The following ISLR2 variants were observed in gnomAD, a reference collection of about 807,000 sequenced individuals.
The protein encoded by ISLR2 is immunoglobulin superfamily containing leucine-rich repeat protein 2.
A neutral mutation model predicts 25.5 loss-of-function variants in ISLR2; 16 were observed. The ratio of observed to expected loss-of-function variants is 0.63; its 90% CI spans 0.43 to 0.95. The LOEUF is 0.95. ISLR2 is among the 40% of genes least tolerant of loss of function. ISLR2 has a pLI of 0.00. For synonymous variants in ISLR2, 508 were observed against 486.6 expected (o/e 1.04, Z -0.58); for missense variants, 883 against 1,030.7 (o/e 0.86, Z 1.96).
In ISLR2 at chr15:74,117,946, C is replaced by T. The variant is rs144160912; in HGVS notation, n.229-13261C>T. Among the ~76,000 whole-genome samples the T allele has an allele frequency of 1.4e-3, 209 of 152,316 alleles. 2 individuals are homozygous for T. Among genetic ancestry groups the T allele is most frequent in the East Asian group, 7.9e-3 (41 of 5,170 alleles). ...GTCTCATGGCAGCATCTCCTCTTATCGATCCCGGCCTACCAAGGATAGTGC... is the reference window on the plus strand; with the variant it reads ...GTCTCATGGCAGCATCTCCTCTTATTGATCCCGGCCTACCAAGGATAGTGC... On this transcript the variant is annotated intron_variant and non_coding_transcript_variant, in intron 2 of 3. Transcript: ENST00000561975.
At chr15:74,114,476 G>C (rs1448026223) in intron 2 of ISLR2, among the ~76,000 whole-genome samples, 1 of 152,096 alleles carries the variant, frequency 6.6e-6, no homozygotes, top group African/African-American at 2.4e-5. Context: ...TACAATTTTA[G>C]GCCGGGTGCA....
chr15:74,111,917 T>A (rs921188271), intron 2 of ISLR2, among the ~76,000 whole-genome samples: 1 of 151,896 alleles, frequency 6.6e-6, no homozygotes, highest in Non-Finnish European at 1.5e-5. Flanking sequence ...GTTAAAGGAG[T>A]CTACATACGT....
intron 2 of ISLR2, among the ~76,000 whole-genome samples, chr15:74,114,732 A>G (rs968226459): frequency 2.0e-5 from 3 of 152,218 alleles, no homozygotes; most frequent in Non-Finnish European, 1.5e-5. Flanking sequence ...GGAACAACAT[A>G]TATAAAACAA....
At position 74,132,646 on chromosome 15, in the gene ISLR2, A is replaced by G. The variant is rs116856254; in HGVS notation, c.-8-101A>G. ...TAGAGGAGGTTACCGGAGCCCTGGAACTAGTGCTAAACGGGCTTGCGGAGG... is the reference window on the plus strand; with the variant it reads ...TAGAGGAGGTTACCGGAGCCCTGGAGCTAGTGCTAAACGGGCTTGCGGAGG... On this transcript the variant is annotated intron_variant, in intron 2 of 2. Coordinates refer to ENST00000453268, the MANE Select transcript of ISLR2 (RefSeq NM_020851.3). This position sits in a 1 kb window ranked among gnomAD's most constrained non-coding sequence, Gnocchi z 4.3. The G allele has an allele frequency of 6.4e-5, 92 of 1,447,840 alleles. 1 individual carries two copies. The East Asian group carries it at 2.2e-3, about 35-fold the overall frequency. The allele number at this position is 1,447,840 out of a possible 1,614,324, so 89.7% of individuals were successfully genotyped here. A position where few individuals can be genotyped will look rare whatever the true frequency, so the allele number is the denominator to read the frequency against.
Position 74,133,774 on chromosome 15 carries a change from G to C in ISLR2, c.1020G>C (p.Leu340=). The C allele has an allele frequency of 6.2e-7, 1 of 1,613,902 alleles. No homozygotes were observed. The highest frequency in any genetic ancestry group is 1.1e-5 in the South Asian group (1 of 91,032). ...PRFLALANGS[L]LVPLLSAKEA... is the part of the protein sequence containing the mutation. ...TCCTGGCCCTCGCAAATGGCTCCCT[G>C]TTGGTGCCCCTCCTGAGTGCCAAGG... The change falls in exon 3 of 3, where the codon CTG becomes CTC. Residue 340 remains leucine (L), a synonymous_variant. Transcript: ENST00000453268.
At chr15:74,138,841 G>A (rs1171835600), downstream of ISLR2, among the ~76,000 whole-genome samples, 5 of 152,270 alleles carry the variant, frequency 3.3e-5, no homozygotes, top group Admixed American at 6.5e-5. Flanking sequence ...AAATCCTACC[G>A]CTGAGCACGG....
At chr15:74,139,121 G>A (rs377289005), downstream of ISLR2, among the ~76,000 whole-genome samples, 1 of 152,202 alleles carries the variant, frequency 6.6e-6, no homozygotes, top group African/African-American at 2.4e-5. Context: ...CCAGGGCCAC[G>A]TATCCTAATG....
At chr15:74,126,872 A>G (rs114402891), upstream of ISLR2, 5,697 of 148,806 alleles carry the variant, frequency 0.038, 386 homozygotes, top group African/African-American at 0.14. Context: ...CAGCTTCTTG[A>G]GGGTGTGGGG....
chr15:74,133,843 C>T lies in ISLR2; in HGVS notation c.1089C>T (p.Ala363=), dbSNP rs773225326. 6.2e-7 allele frequency: 1 copy of T among 1,613,546 alleles called. No homozygotes were observed. The highest frequency in any genetic ancestry group is 2.2e-5 in the East Asian group (1 of 44,870). The part of the protein sequence containing the change: ...YTCRAHNELG[A]NSTSIRVAVA... ...GCCGTGCACACAATGAGCTGGGCGC[C>T]AACTCTACGTCAATACGCGTGGCGG... is the stretch of plus-strand genomic sequence containing the variant. Residue 363 remains alanine, a synonymous_variant, in exon 3 of 3, where the codon GCC becomes GCT. Transcript: ENST00000453268.
At chr15:74,140,510 T>G (rs1306515703), downstream of ISLR2, among the ~76,000 whole-genome samples, 1 of 152,100 alleles carries the variant, frequency 6.6e-6, no homozygotes, top group Non-Finnish European at 1.5e-5. Context: ...ACAGGAGGTG[T>G]CGCCTGCAAA....
rs771070956 is a variant in ISLR2, at chr15:74,133,861, C to T, written c.1107C>T (p.Arg369=). 6.2e-7 allele frequency: 1 copy of T among 1,612,694 alleles called. No homozygotes were observed. The highest frequency in any genetic ancestry group is 1.7e-5 in the Admixed American group (1 of 59,884). Residue 369 remains arginine (R), a synonymous_variant, in exon 3 of 3, where the codon CGC becomes CGT. Transcript: ENST00000453268. ...NELGANSTSI[R]VAVAATGPPK... is the part of the protein sequence containing the mutation. ...TGGGCGCCAACTCTACGTCAATACGCGTGGCGGTGGCAGCAACCGGGCCCC... is the reference window on the plus strand; with the variant it reads ...TGGGCGCCAACTCTACGTCAATACGTGTGGCGGTGGCAGCAACCGGGCCCC...
chr15:74,127,184 A>C (rs1163421908), upstream of ISLR2: 2 of 152,182 alleles, frequency 1.3e-5, no homozygotes, highest in African/African-American at 2.4e-5. Flanking sequence ...TACAACTCTG[A>C]GTGCAGTTGC....
chr15:74,122,787 A>G (rs2072262994), intron 2 of ISLR2, among the ~76,000 whole-genome samples: 1 of 152,126 alleles, frequency 6.6e-6, no homozygotes, highest in Non-Finnish European at 1.5e-5. Context: ...CTGGGCTTTG[A>G]TGGGGACAGT....
At chr15:74,138,630 G>A (rs1438911745), downstream of ISLR2, 1 of 152,290 alleles carries the variant, frequency 6.6e-6, no homozygotes, top group Non-Finnish European at 1.5e-5. Flanking sequence ...GGAGATAACT[G>A]ACATGGGTAG....
intron 2 of ISLR2, among the ~76,000 whole-genome samples, chr15:74,108,961 C>A (rs2072144429): frequency 6.6e-6 from 1 of 152,202 alleles, no homozygotes; most frequent in African/African-American, 2.4e-5. Context: ...ATCTGGAAGG[C>A]TTCCTGACTC....
At chr15:74,129,359 T>C (rs2072354582), upstream of ISLR2, 3 of 252,292 alleles carry the variant, frequency 1.2e-5, no homozygotes, top group African/African-American at 6.9e-5. This position sits in a 1 kb window ranked among gnomAD's most constrained non-coding sequence, Gnocchi z 4.5. Flanking sequence ...CCCTAGCTCA[T>C]TAAGATGCTC....
chr15:74,128,226 G>C (rs1344174218), upstream of ISLR2: 1 of 320,682 alleles, frequency 3.1e-6, no homozygotes, highest in African/African-American at 2.3e-5. Context: ...CCCACCCCAG[G>C]CCTCGGCGGA....
Position 74,136,370 on chromosome 15 carries a change from A to T in ISLR2, c.*1378A>T, listed in dbSNP as rs2072565862. 1 of 164,646 alleles carries T rather than the reference A, an allele frequency of 6.1e-6. No individual in the cohort carries two copies. Among genetic ancestry groups the T allele is most frequent in the Admixed American group, 6.6e-5 (1 of 15,262 alleles). 10.2% of individuals were successfully genotyped at this position (164,646 alleles called of 1,614,324 possible). A position where few individuals can be genotyped will look rare whatever the true frequency, so the allele number is the denominator to read the frequency against. On this transcript the variant is annotated 3_prime_UTR_variant, in exon 3 of 3. Transcript: ENST00000453268. ...CACAAAGCCTGCTCGTGACTGTGCG[A>T]CTGTGCGACGGGATCCGGATGGAGC...
At chr15:74,126,926 GTGTGTGTGTGTGTGTGTGTGTGTGTGTC>G (rs1222112324), upstream of ISLR2, 9 of 151,476 alleles carry the variant, frequency 5.9e-5, no homozygotes, top group Admixed American at 4.6e-4. Flanking sequence ...GTGTGTGTGT[GTGTGTGTGTGTGTGTGTGTGTGTGTGTC>G]TGTGCGCGCA....
Sources: gnomAD v4.1 joint callset for allele counts (sites outside exome capture counted in the v4.1 genomes callset) on GRCh38, gnomAD v4.1.1 for gene constraint, Gnocchi (gnomAD v3.1) non-coding constraint, MANE v1.5 for transcripts, NCBI Gene and HGNC (gene_info 2026-07-23, HGNC 2026-07-21) for gene names.